Variants in CTPS2 observed in about 807,000 individuals in gnomAD.
CTPS2 encodes the protein CTP synthase II.
A neutral mutation model predicts 46.8 loss-of-function variants in CTPS2; 19 were observed. The ratio of observed to expected loss-of-function variants is 0.41; its 90% CI spans 0.28 to 0.60. The LOEUF is 0.60. Ranked by LOEUF, CTPS2 falls within the 20% of genes least tolerant of loss-of-function variation. The pLI, the probability that CTPS2 is intolerant of heterozygous loss-of-function variation, is 0.35. For synonymous variants in CTPS2, 151 were observed against 165.2 expected, an observed-to-expected ratio of 0.91 and a Z score of 0.66; for missense variants, 286 against 447.6, an observed-to-expected ratio of 0.64 and a Z score of 3.26.
chrX:16,594,312 C>T (rs1415442958), intron 17 of CTPS2, among the ~76,000 whole-genome samples: 1 of 110,764 alleles, frequency 9.0e-6, no homozygotes, highest in Non-Finnish European at 1.9e-5. Context: ...TCATATCTTC[C>T]CCCCACACTC....
chrX:16,617,591 C>T (rs1446553195), intron 15 of CTPS2, among the ~76,000 whole-genome samples: 2 of 112,125 alleles, frequency 1.8e-5, no homozygotes, highest in South Asian at 3.7e-4. Context: ...TATCTCTCCC[C>T]GAATCACAAA....
chrX:16,599,953 A>T (rs1929559202), intron 17 of CTPS2, among the ~76,000 whole-genome samples: 1 of 109,171 alleles, frequency 9.2e-6, no homozygotes, highest in African/African-American at 3.4e-5. Flanking sequence ...TAATTTTTGT[A>T]TTTTTAGTAG....
At chrX:16,612,890 T>C (rs1203955190) in intron 16 of CTPS2, among the ~76,000 whole-genome samples, 1 of 112,082 alleles carries the variant, frequency 8.9e-6, no homozygotes, top group African/African-American at 3.2e-5. Flanking sequence ...TCTGCTTTGT[T>C]AGTTACATAA....
In CTPS2 at chrX:16,683,091, C is replaced by T. The variant is rs199819423; in HGVS notation, c.1005+3G>A. 6 of 1,211,264 alleles carry T rather than the reference C, an allele frequency of 5.0e-6. No individual in the cohort carries two copies. Among genetic ancestry groups the T allele is most frequent in the Non-Finnish European group, 6.7e-6 (6 of 895,309 alleles). ...ATAGCCAAAAGACCAGGCCAGGACT[C>T]ACCATCAGATTCAACTTGTGGTTGA... On this transcript the variant is annotated splice_donor_region_variant and intron_variant, in intron 9 of 18. Coordinates refer to ENST00000359276, the MANE Select transcript of CTPS2 (RefSeq NM_175859.3).
At chrX:16,650,943 A>G in intron 13 of CTPS2, 1 of 1,055,772 alleles carries the variant, frequency 9.5e-7, no homozygotes, top group South Asian at 2.1e-5. Flanking sequence ...GACAACCCTC[A>G]GCACAAAACT....
rs1347192731 is a variant in CTPS2 at position 16,639,224 on chromosome X, T to C, written c.1316A>G (p.His439Arg). The C allele has an allele frequency of 1.7e-6, 2 of 1,202,575 alleles. No homozygotes were observed. The highest frequency in any genetic ancestry group is 3.5e-5 in the African/African-American group (2 of 57,058). ...PVPLVIDMPE[H>R]NPGNLGGTMR... ...TGTTCCTCCCAAATTGCCAGGGTTG[T>C]GCTCGGGCATATCAATCACCTTAGA... The change falls in exon 14 of 19, where the codon CAC becomes CGC. Residue 439 changes from histidine (H) to arginine (R), a missense_variant. By Grantham distance (29) the His-to-Arg change is conservative (BLOSUM62 0). Coordinates refer to ENST00000359276, the MANE Select transcript of CTPS2 (RefSeq NM_175859.3).
chrX:16,676,832 C>A lies in CTPS2; in HGVS notation c.1094+1530G>T, dbSNP rs754255407. ...ATCCCAGCACTTTGGGAGGCCAAGGCGGGTGGATAACGAGGTCAAGAGTTC... is the reference window on the plus strand; with the variant it reads ...ATCCCAGCACTTTGGGAGGCCAAGGAGGGTGGATAACGAGGTCAAGAGTTC... On this transcript the variant is annotated intron_variant, in intron 10 of 18. Coordinates refer to ENST00000359276, the MANE Select transcript of CTPS2 (RefSeq NM_175859.3). 3.6e-5 allele frequency among the ~76,000 whole-genome samples: 4 copies of A among 110,949 alleles called. No individual in the cohort carries two copies. In the South Asian group the frequency reaches 1.5e-3, roughly 42 times the overall value.
chrX:16,672,361 G>A (rs966316743), intron 10 of CTPS2, among the ~76,000 whole-genome samples: 1 of 111,414 alleles, frequency 9.0e-6, no homozygotes, highest in Non-Finnish European at 1.9e-5. Context: ...CAATGGGTGC[G>A]TCTTTCTCTG....
chrX:16,709,086 G>A (rs1469304618), intron 1 of CTPS2, among the ~76,000 whole-genome samples: 1 of 110,531 alleles, frequency 9.0e-6, no homozygotes, highest in East Asian at 2.8e-4. Context: ...TCCAGCCTGG[G>A]GGACAAGAGC....
chrX:16,629,156 G>A (rs1025877418), intron 14 of CTPS2, among the ~76,000 whole-genome samples: 9 of 112,510 alleles, frequency 8.0e-5, no homozygotes, highest in African/African-American at 2.9e-4. Flanking sequence ...CACTCCACTA[G>A]TTCCCTTCGG....
intron 9 of CTPS2, among the ~76,000 whole-genome samples, chrX:16,681,269 G>C (rs1213802251): frequency 1.8e-5 from 2 of 111,680 alleles, no homozygotes; most frequent in African/African-American, 6.5e-5. Context: ...AGGCTAAAAA[G>C]AGGAGAGAGA....
chrX:16,701,393 T>TA (rs200081120), intron 2 of CTPS2, among the ~76,000 whole-genome samples: 10 of 108,977 alleles, frequency 9.2e-5, no homozygotes, highest in Admixed American at 6.9e-4. Context: ...CCCAGCTCTA[T>TA]AAAAAAATTA....
intron 16 of CTPS2, among the ~76,000 whole-genome samples, chrX:16,616,764 G>A (rs1265202919): frequency 9.0e-6 from 1 of 111,615 alleles, no homozygotes; most frequent in Non-Finnish European, 1.9e-5. Flanking sequence ...ACGCGATCTC[G>A]GCTCACTGCA....
chrX:16,621,522 G>A (rs1930839821), intron 14 of CTPS2, among the ~76,000 whole-genome samples: 1 of 109,605 alleles, frequency 9.1e-6, no homozygotes, highest in Non-Finnish European at 1.9e-5. Context: ...GGATGGTCCA[G>A]GGACCAAGTG....
At chrX:16,644,406 G>T in intron 13 of CTPS2, among the ~76,000 whole-genome samples, 1 of 111,717 alleles carries the variant, frequency 9.0e-6, no homozygotes, top group Non-Finnish European at 1.9e-5. Flanking sequence ...CCAAAGTTCT[G>T]GGATTACAGG....
chrX:16,617,001 CTG>C, intron 16 of CTPS2, 147 bp downstream of exon 16: 1 of 440,642 alleles, frequency 2.3e-6, no homozygotes, highest in Non-Finnish European at 3.9e-6. Flanking sequence ...AGCCAGCAGT[CTG>C]TTTTTTTCAT....
rs1928701106 is a variant in CTPS2, at chrX:16,588,019, G to C, written c.*1798C>G. The C allele has an allele frequency of 8.9e-6, 1 of 111,737 alleles. No individual in the cohort carries two copies. The highest frequency in any genetic ancestry group is 2.8e-4 in the East Asian group (1 of 3,559). 9.2% of individuals were successfully genotyped at this position (111,737 alleles called of 1,213,427 possible). On this transcript the variant is annotated 3_prime_UTR_variant, in exon 19 of 19. Transcript: ENST00000359276. ...ACAAATTGTGGTATATTCATACAAT[G>C]GAATTTTATTCAGCCATAGAAAGGA... is the stretch of plus-strand genomic sequence containing the variant.
chrX:16,706,417 C>T (rs769968551), intron 1 of CTPS2, among the ~76,000 whole-genome samples: 12 of 108,337 alleles, frequency 1.1e-4, no homozygotes, highest in African/African-American at 2.7e-4. Context: ...AGTGAGACTC[C>T]GACTCGAAAG....
intron 13 of CTPS2, among the ~76,000 whole-genome samples, chrX:16,667,125 A>ACC (rs1264934602): frequency 9.7e-4 from 70 of 71,829 alleles, no homozygotes; most frequent in African/African-American, 3.5e-3. Flanking sequence ...ATAATAATAG[A>ACC]CCCCCCCCCG....
Sources: gnomAD v4.1 joint callset for allele counts (sites outside exome capture counted in the v4.1 genomes callset) on GRCh38, gnomAD v4.1.1 for gene constraint, MANE v1.5 for transcripts, NCBI Gene and HGNC (gene_info 2026-07-23, HGNC 2026-07-21) for gene names.